Variants in CNBD2 observed in about 807,000 individuals in gnomAD.
The protein encoded by CNBD2 is cyclic nucleotide-binding domain-containing protein 2.
A neutral mutation model predicts 63.7 loss-of-function variants in CNBD2; 64 were observed. The ratio of observed to expected loss-of-function variants is 1.00; its 90% confidence interval spans 0.82 to 1.24. The LOEUF is 1.24. Among genes scored for constraint, CNBD2 ranks in the 50% most tolerant of loss-of-function variants. CNBD2 has a pLI of 0.00. For synonymous variants in CNBD2, 229 were observed against 255.4 expected (o/e 0.90, Z 0.99); for missense variants, 691 against 713.5 (o/e 0.97, Z 0.36).
intron 8 of CNBD2, among the ~76,000 whole-genome samples, chr20:36,002,303 A>G (rs1473537693): frequency 1.3e-5 from 2 of 152,256 alleles, no homozygotes; most frequent in Non-Finnish European, 2.9e-5. Context: ...AGGCTGAGGC[A>G]GGAGAATCAG....
intron 8 of CNBD2, among the ~76,000 whole-genome samples, chr20:36,004,854 C>T (rs1401376787): frequency 6.6e-6 from 1 of 152,110 alleles, no homozygotes; most frequent in Non-Finnish European, 1.5e-5. Flanking sequence ...TGAGCCACCG[C>T]ATCTATCCTT....
At chr20:36,017,594 T>G (rs1014291954) in intron 10 of CNBD2, among the ~76,000 whole-genome samples, 2 of 152,170 alleles carry the variant, frequency 1.3e-5, no homozygotes, top group Non-Finnish European at 2.9e-5. Context: ...TCCTCTCCTC[T>G]CCCTGCCCTG....
chr20:35,964,141 A>G (rs886576559), upstream of CNBD2, among the ~76,000 whole-genome samples: 5 of 151,700 alleles, frequency 3.3e-5, no homozygotes, highest in Non-Finnish European at 7.4e-5. Flanking sequence ...GCTATGTCTC[A>G]TGCTCCCTGA....
rs769682923 is a variant in CNBD2 at position 35,972,781 on chromosome 20, T to C, written c.189+15T>C. 3.1e-6 allele frequency: 5 copies of C among 1,613,910 alleles called. No individual in the cohort carries two copies. In the Admixed American group the frequency reaches 5.0e-5, roughly 16 times the overall value. On this transcript the variant is annotated intron_variant, in intron 2 of 11. Transcript: ENST00000373973. Reference sequence around the variant, plus strand: ...CCTTCTGGGATGTAAGCAGTTGGGCTCAGCAGGATTATGAGGGCTCAAAGA... The same window carrying C: ...CCTTCTGGGATGTAAGCAGTTGGGCCCAGCAGGATTATGAGGGCTCAAAGA...
At chr20:35,992,061 A>G (rs983304434) in intron 7 of CNBD2, among the ~76,000 whole-genome samples, 3 of 152,100 alleles carry the variant, frequency 2.0e-5, no homozygotes, top group Non-Finnish European at 4.4e-5. Flanking sequence ...TTGTATTTTT[A>G]GTAGAGATGG....
At chr20:36,003,967 A>C (rs1321802689) in intron 8 of CNBD2, among the ~76,000 whole-genome samples, 1 of 152,090 alleles carries the variant, frequency 6.6e-6, no homozygotes, top group African/African-American at 2.4e-5. Context: ...CTTCCAGGCT[A>C]ACTCACGTGG....
At chr20:36,022,711 A>G (rs2057232997) in intron 10 of CNBD2, among the ~76,000 whole-genome samples, 1 of 151,718 alleles carries the variant, frequency 6.6e-6, no homozygotes, top group African/African-American at 2.4e-5. Context: ...GCTCACTGCA[A>G]CCTCTACCTC....
chr20:35,964,639 C>T (rs1255946752), upstream of CNBD2, among the ~76,000 whole-genome samples: 1 of 151,706 alleles, frequency 6.6e-6, no homozygotes, highest in Non-Finnish European at 1.5e-5. Context: ...TCGTGATCCA[C>T]CCACCTCAGC....
intron 1 of CNBD2, among the ~76,000 whole-genome samples, chr20:35,970,280 G>T (rs1475854720): frequency 6.6e-6 from 1 of 152,112 alleles, no homozygotes; most frequent in Non-Finnish European, 1.5e-5. Context: ...ATAAATTTTG[G>T]ATCGTAATCC....
rs200570147 is a variant in CNBD2 at position 35,972,779 on chromosome 20, G to A, written c.189+13G>A. 1.0e-4 allele frequency: 166 copies of A among 1,613,768 alleles called. No individual in the cohort carries two copies. Among genetic ancestry groups the A allele is most frequent in the Non-Finnish European group, 1.2e-5 (14 of 1,179,840 alleles). ...CTCCTTCTGGGATGTAAGCAGTTGG[G>A]CTCAGCAGGATTATGAGGGCTCAAA... On this transcript the variant is annotated intron_variant, in intron 2 of 11. Coordinates refer to ENST00000373973, the MANE Select transcript of CNBD2 (RefSeq NM_001365709.1).
At chr20:35,997,038 G>C (rs2056834644) in intron 8 of CNBD2, among the ~76,000 whole-genome samples, 2 of 152,310 alleles carry the variant, frequency 1.3e-5, no homozygotes, top group Non-Finnish European at 1.5e-5. Context: ...ACTGGCCAGG[G>C]TGATAACCAG....
intron 2 of CNBD2, among the ~76,000 whole-genome samples, chr20:35,975,271 G>A (rs2147213744): frequency 7.5e-6 from 1 of 133,770 alleles, no homozygotes; most frequent in South Asian, 2.3e-4. Context: ...AAAGTGCTGG[G>A]ATTACAGGCG....
In CNBD2 at chr20:36,012,130, T is replaced by C. The variant is rs560264341; in HGVS notation, c.1269+873T>C. On this transcript the variant is annotated intron_variant, in intron 10 of 11. Transcript: ENST00000373973. ...GACTGGCCAACATGGTGAAACCCCA[T>C]CTCTACTAATAATACAAAAATTAGC... Among the ~76,000 whole-genome samples the C allele has an allele frequency of 2.1e-4, 32 of 151,970 alleles. No individual in the cohort carries two copies. In the East Asian group the frequency reaches 6.2e-3, roughly 29 times the overall value.
At chr20:36,008,519 C>T (rs1296140978) in intron 9 of CNBD2, 45 bp downstream of exon 9, 2 of 1,551,690 alleles carry the variant, frequency 1.3e-6, no homozygotes, top group South Asian at 1.2e-5. Flanking sequence ...ATTGTGGTTG[C>T]AAAGGGAGAT....
rs144924470 is a variant in CNBD2 at position 35,970,391 on chromosome 20, T to C, written c.51+1578T>C. Among the ~76,000 whole-genome samples, 550 of 152,258 alleles carry C rather than the reference T, an allele frequency of 3.6e-3. 9 individuals are homozygous for C. The highest frequency in any genetic ancestry group is 0.012 in the African/African-American group (512 of 41,546). On this transcript the variant is annotated intron_variant, in intron 1 of 11. Coordinates refer to ENST00000373973, the MANE Select transcript of CNBD2 (RefSeq NM_001365709.1). The stretch of plus-strand genomic sequence containing the variant: ...TAAAAAGAACATTCTCTTTTTTCCT[T>C]TGTTTGTTTTTATTTATTTTTTTGA...
At chr20:36,009,544 G>A (rs76986132) in intron 9 of CNBD2, among the ~76,000 whole-genome samples, 5,403 of 151,010 alleles carry the variant, frequency 0.036, 338 homozygotes, top group African/African-American at 0.12. Context: ...AAAGAAAAAG[G>A]AAACAGGCTG....
intron 6 of CNBD2, 101 bp from the exon 7 acceptor site, chr20:35,987,293 AG>A: frequency 7.5e-7 from 1 of 1,337,004 alleles, no homozygotes; most frequent in East Asian, 2.3e-5. Flanking sequence ...TCTTCCACCC[AG>A]GCATCCTCCA....
intron 10 of CNBD2, among the ~76,000 whole-genome samples, chr20:36,017,470 T>C (rs2147351276): frequency 6.6e-6 from 1 of 152,300 alleles, no homozygotes; most frequent in South Asian, 2.1e-4. Flanking sequence ...TCCAGTACTG[T>C]CTGGGAGGTC....
At chr20:36,028,274 G>A (rs1436852272) in intron 11 of CNBD2, among the ~76,000 whole-genome samples, 1 of 152,036 alleles carries the variant, frequency 6.6e-6, no homozygotes, top group East Asian at 1.9e-4. Context: ...GGAACATTCA[G>A]CATCCGCCCT....
Sources: allele counts gnomAD v4.1 joint callset (sites outside exome capture counted in the v4.1 genomes callset), GRCh38; gene constraint gnomAD v4.1.1; transcripts MANE v1.5; gene names NCBI Gene and HGNC (gene_info 2026-07-23, HGNC 2026-07-21).